Variants in RBFOX1 observed in about 807,000 individuals in gnomAD.
The protein encoded by RBFOX1 is RNA binding protein fox-1 homolog 1.
RBFOX1 carries 8 observed loss-of-function variants against 57.7 expected under a neutral mutation model. The ratio of observed to expected loss-of-function variants is 0.14; its 90% CI spans 0.08 to 0.25. The LOEUF (loss-of-function observed/expected upper bound fraction) is 0.25. RBFOX1 is among the 10% of genes least tolerant of loss of function. The probability of loss-of-function intolerance (pLI) is 1.00; values close to 1 mark genes in which losing one functional copy is unlikely to be tolerated. For missense variants in RBFOX1, 611 were observed against 548.5 expected, an observed-to-expected ratio of 1.11 and a Z score of -1.14; for synonymous variants, 326 against 222.4, an observed-to-expected ratio of 1.47 and a Z score of -4.15.
intron 1 of RBFOX1, among the ~76,000 whole-genome samples, chr16:5,426,622 C>T (rs919496292): frequency 1.4e-4 from 22 of 152,160 alleles, no homozygotes; most frequent in African/African-American, 5.1e-4. Context: ...GCACTTAATC[C>T]GGAGCCATCC....
At chr16:6,833,235 G>T (rs1026517644) in intron 3 of RBFOX1, among the ~76,000 whole-genome samples, 60 of 151,236 alleles carry the variant, frequency 4.0e-4, no homozygotes, top group African/African-American at 1.4e-3. Flanking sequence ...GTAAAATCTC[G>T]GCTCATTACA....
intron 3 of RBFOX1, among the ~76,000 whole-genome samples, chr16:6,908,547 C>G (rs756127752): frequency 1.3e-5 from 2 of 152,210 alleles, no homozygotes; most frequent in Admixed American, 6.5e-5. Context: ...TCCCAAACTA[C>G]TTTTCAGAGT....
chr16:7,653,466 A>ACT (rs947560705), intron 11 of RBFOX1, among the ~76,000 whole-genome samples: 4 of 152,158 alleles, frequency 2.6e-5, no homozygotes, highest in Non-Finnish European at 4.4e-5. Context: ...TGATTGCACC[A>ACT]CTGCACTCCA....
chr16:6,719,172 G>A (rs1207205643), intron 3 of RBFOX1, among the ~76,000 whole-genome samples: 1 of 152,124 alleles, frequency 6.6e-6, no homozygotes, highest in African/African-American at 2.4e-5. Flanking sequence ...TGGCTGAGAT[G>A]TGTACATATT....
chr16:6,130,522 C>G lies in RBFOX1; in HGVS notation c.-127+110530C>G, dbSNP rs898494822. Among the ~76,000 whole-genome samples the G allele has an allele frequency of 3.9e-5, 6 of 152,100 alleles. No homozygotes were observed. The South Asian group carries it at 1.2e-3, about 32-fold the overall frequency. On this transcript the variant is annotated intron_variant, in intron 1 of 15. Coordinates refer to ENST00000550418, the MANE Select transcript of RBFOX1 (RefSeq NM_018723.4). ...TAGAAGGCAAAAGCTTGAAAGACAACCATAGAAATAATTTCACCAAGTGCA... is the reference window on the plus strand; with the variant it reads ...TAGAAGGCAAAAGCTTGAAAGACAAGCATAGAAATAATTTCACCAAGTGCA...
At chr16:7,140,716 G>C (rs1462945999) in intron 4 of RBFOX1, among the ~76,000 whole-genome samples, 1 of 152,122 alleles carries the variant, frequency 6.6e-6, no homozygotes, top group African/African-American at 2.4e-5. Flanking sequence ...AATAATTATT[G>C]GAACTGGGAG....
intron 1 of RBFOX1, among the ~76,000 whole-genome samples, chr16:5,436,110 C>A (rs1340501738): frequency 3.9e-5 from 6 of 152,186 alleles, no homozygotes; most frequent in South Asian, 2.1e-4. Context: ...GGGGAGGGGG[C>A]AGTCCTAGAG....
At chr16:7,089,911 T>C (rs2060549130) in intron 4 of RBFOX1, among the ~76,000 whole-genome samples, 1 of 38,154 alleles carries the variant, frequency 2.6e-5, no homozygotes, top group South Asian at 1.5e-3. Flanking sequence ...TTTTTCTGCA[T>C]TCAAAAAAAA....
chr16:5,914,740 C>CA (rs1433722614), intron 4 of RBFOX1, among the ~76,000 whole-genome samples: 1 of 151,934 alleles, frequency 6.6e-6, no homozygotes, highest in African/African-American at 2.4e-5. Flanking sequence ...ACTAAAAATA[C>CA]AAAAAAATAG....
intron 3 of RBFOX1, among the ~76,000 whole-genome samples, chr16:6,698,293 T>C (rs2061344083): frequency 6.6e-6 from 1 of 152,196 alleles, no homozygotes; most frequent in East Asian, 1.9e-4. Flanking sequence ...TATTTGTACA[T>C]CTAAACCAGT....
At chr16:5,528,564 T>TC (rs2044334742) in intron 2 of RBFOX1, among the ~76,000 whole-genome samples, 2 of 135,736 alleles carry the variant, frequency 1.5e-5, no homozygotes, top group Non-Finnish European at 3.1e-5. Context: ...TTTTTTTTTT[T>TC]TCTGGCTTCT....
At chr16:7,300,363 T>C (rs904675133) in intron 4 of RBFOX1, among the ~76,000 whole-genome samples, 5 of 152,216 alleles carry the variant, frequency 3.3e-5, no homozygotes, top group South Asian at 2.1e-4. Context: ...AACAAGCCAG[T>C]GACTCAAAGT....
chr16:5,935,372 A>G (rs966537777), intron 4 of RBFOX1, among the ~76,000 whole-genome samples: 1 of 152,192 alleles, frequency 6.6e-6, no homozygotes, highest in Non-Finnish European at 1.5e-5. Flanking sequence ...AAGGAGGACC[A>G]TGGCCAGGAG....
At chr16:5,324,900 C>T (rs1341296607) in intron 1 of RBFOX1, among the ~76,000 whole-genome samples, 1 of 152,088 alleles carries the variant, frequency 6.6e-6, no homozygotes, top group Non-Finnish European at 1.5e-5. Flanking sequence ...ACTGCCAAAC[C>T]CATTTATCCC....
intron 2 of RBFOX1, among the ~76,000 whole-genome samples, chr16:6,437,849 C>T (rs1022250604): frequency 3.9e-5 from 6 of 152,168 alleles, no homozygotes; most frequent in African/African-American, 1.4e-4. Flanking sequence ...AATCTGCACC[C>T]ATCATTCAGT....
intron 3 of RBFOX1, among the ~76,000 whole-genome samples, chr16:6,798,116 G>C (rs531811569): frequency 6.6e-6 from 1 of 152,014 alleles, no homozygotes. Flanking sequence ...CATCTAGCAC[G>C]CATTTAATAA....
intron 3 of RBFOX1, among the ~76,000 whole-genome samples, chr16:5,728,808 C>A (rs528347273): frequency 6.6e-6 from 1 of 152,280 alleles, no homozygotes; most frequent in East Asian, 1.9e-4. Context: ...TGGCCCCTTT[C>A]TTCCCTCCCC....
Position 7,712,793 on chromosome 16 carries a change from G to C in RBFOX1, c.*2048G>C, listed in dbSNP as rs558866866. ...CAGAGGGAAGAAAGAGTAGGAGCAG[G>C]GGGCTATGGAGAATAAATTTCTCCC... On this transcript the variant is annotated 3_prime_UTR_variant, in exon 16 of 16. Transcript: ENST00000550418. The C allele has an allele frequency of 6.6e-6, 1 of 152,172 alleles. No homozygotes were observed. The highest frequency in any genetic ancestry group is 1.5e-5 in the Non-Finnish European group (1 of 68,026). 9.4% of individuals were successfully genotyped at this position (152,172 alleles called of 1,614,324 possible).
intron 4 of RBFOX1, among the ~76,000 whole-genome samples, chr16:7,230,636 C>T (rs1267366610): frequency 6.6e-6 from 1 of 152,122 alleles, no homozygotes; most frequent in Non-Finnish European, 1.5e-5. Flanking sequence ...CTGATGCATT[C>T]ATTCTGGAAC....
Sources: gnomAD v4.1 joint callset for allele counts (sites outside exome capture counted in the v4.1 genomes callset) on GRCh38, gnomAD v4.1.1 for gene constraint, MANE v1.5 for transcripts, NCBI Gene and HGNC (gene_info 2026-07-23, HGNC 2026-07-21) for gene names.